Variants in RIN3 observed in about 807,000 individuals in gnomAD.
RIN3 encodes the protein Ras and Rab interactor 3.
RIN3 carries 54 observed loss-of-function variants against 76.3 expected under a neutral mutation model. That is an observed-to-expected ratio of 0.71 (90% confidence interval 0.57 to 0.89). The LOEUF is 0.89. RIN3 is among the 40% of genes least tolerant of loss of function. The pLI is 0.00. For synonymous variants in RIN3, 576 were observed against 564.0 expected, an observed-to-expected ratio of 1.02 and a Z score of -0.30; for missense variants, 1,256 against 1,322.1, an observed-to-expected ratio of 0.95 and a Z score of 0.78.
At chr14:92,520,610 A>G (rs1896571733) in intron 1 of RIN3, among the ~76,000 whole-genome samples, 1 of 152,230 alleles carries the variant, frequency 6.6e-6, no homozygotes, top group African/African-American at 2.4e-5. Flanking sequence ...AGCTGGAGAG[A>G]GGGGTGGACA....
intron 3 of RIN3, among the ~76,000 whole-genome samples, chr14:92,591,847 A>C (rs1170751150): frequency 6.6e-6 from 1 of 152,250 alleles, no homozygotes; most frequent in Admixed American, 6.5e-5. Flanking sequence ...TTTAGAGAGA[A>C]AGAAAATGAT....
intron 1 of RIN3, among the ~76,000 whole-genome samples, chr14:92,539,943 C>G (rs12434859): frequency 0.24 from 35,890 of 152,062 alleles, 4,607 homozygotes; most frequent in African/African-American, 0.33. Flanking sequence ...GAAGGGCCTG[C>G]GGCTGAAGCT....
At chr14:92,588,099 G>A (rs527728853) in intron 3 of RIN3, among the ~76,000 whole-genome samples, 1 of 152,118 alleles carries the variant, frequency 6.6e-6, no homozygotes, top group East Asian at 1.9e-4. Context: ...ATCCACGAGG[G>A]AGGAGCTCTC....
chr14:92,645,984 G>T (rs1460215619), intron 5 of RIN3, among the ~76,000 whole-genome samples: 3 of 151,932 alleles, frequency 2.0e-5, no homozygotes, highest in Non-Finnish European at 2.9e-5. Context: ...ATTGATTGCG[G>T]TGAGAGTTGC....
chr14:92,645,678 G>A (rs906524216), intron 5 of RIN3, among the ~76,000 whole-genome samples: 13 of 152,220 alleles, frequency 8.5e-5, no homozygotes, highest in East Asian at 3.8e-4. Context: ...CCTAAAGGCC[G>A]GGCGCAGTGG....
Position 92,536,742 on chromosome 14 carries a change from G to GA in RIN3, c.45-18989dup, listed in dbSNP as rs66654234. Among the ~76,000 whole-genome samples the GA allele has an allele frequency of 5.5e-3, 711 of 128,198 alleles. 5 individuals are homozygous for GA. Among genetic ancestry groups the GA allele is most frequent in the Middle Eastern group, 0.026 (7 of 266 alleles). The allele number at this position is 128,198 out of a possible 152,430, so 84.1% of individuals were successfully genotyped here. On this transcript the variant is annotated intron_variant, in intron 1 of 9. Transcript: ENST00000216487. ...GGTGACAGAGCAAGACTCCGTCTCAGAAAAAAAAAAAAAAAAAAAAGAAAC... is the reference window on the plus strand; with the variant it reads ...GGTGACAGAGCAAGACTCCGTCTCAGAAAAAAAAAAAAAAAAAAAAAGAAAC...
chr14:92,615,638 A>G (rs541886899), intron 4 of RIN3, 159 bp downstream of exon 4: 197 of 654,904 alleles, frequency 3.0e-4, no homozygotes, highest in Non-Finnish European at 3.9e-4. Flanking sequence ...ACCACAGAGG[A>G]TGTGTTGGCT....
At chr14:92,598,839 T>A (rs1356109877) in intron 3 of RIN3, among the ~76,000 whole-genome samples, 6 of 152,096 alleles carry the variant, frequency 3.9e-5, no homozygotes, top group African/African-American at 1.4e-4. Context: ...TAAAATGATG[T>A]TAGGATTTTA....
chr14:92,652,963 G>C lies in RIN3; in HGVS notation c.1914G>C (p.Thr638=). 6.2e-7 allele frequency: 1 copy of C among 1,613,718 alleles called. No homozygotes were observed. Among genetic ancestry groups the C allele is most frequent in the Non-Finnish European group, 8.5e-7 (1 of 1,180,040 alleles). The change falls in exon 6 of 10, where the codon ACG becomes ACC. Residue 638 remains threonine (T), a synonymous_variant. Coordinates refer to ENST00000216487, the MANE Select transcript of RIN3 (RefSeq NM_024832.5). This position sits in a 1 kb window ranked among gnomAD's most constrained non-coding sequence, Gnocchi z 6.4. ...TGATGGCGCGCCAGACCTCCAGCAC[G>C]GAGATGCTGCAGGAGATTCGCACCA... The part of the protein sequence containing the change: ...LEMMARQTSS[T]EMLQEIRTMM...
intron 2 of RIN3, among the ~76,000 whole-genome samples, chr14:92,563,805 A>G (rs896421022): frequency 6.6e-6 from 1 of 152,160 alleles, no homozygotes; most frequent in East Asian, 1.9e-4. Context: ...GTTTCCCCAT[A>G]TGTAAAATAA....
At position 92,688,237 on chromosome 14, in the gene RIN3, G is replaced by T; in HGVS notation, c.2943G>T (p.Glu981Asp). 1 of 1,591,186 alleles carries T rather than the reference G, an allele frequency of 6.3e-7. No homozygotes were observed. The highest frequency in any genetic ancestry group is 1.1e-5 in the South Asian group (1 of 89,812). ...GCCCGCCCTGCCTGGTGGTGCGGGA[G>T]CCCAACTTCCTGTGAGGCCCTCCCG... ...GGSPPCLVVR[E>D]PNFL is the part of the protein sequence containing the mutation. The change falls in exon 10 of 10, where the codon GAG becomes GAT. Residue 981 changes from glutamate to aspartate, a missense_variant. Transcript: ENST00000216487.
intron 2 of RIN3, among the ~76,000 whole-genome samples, chr14:92,560,081 A>T (rs553815753): frequency 6.6e-6 from 1 of 152,316 alleles, no homozygotes; most frequent in African/African-American, 2.4e-5. Context: ...GTTCATTTTC[A>T]AGGTGAGCAC....
chr14:92,645,913 T>A (rs1887181671), intron 5 of RIN3, among the ~76,000 whole-genome samples: 1 of 150,686 alleles, frequency 6.6e-6, no homozygotes, highest in Non-Finnish European at 1.5e-5. Flanking sequence ...GATCGTGCCA[T>A]TGCACTCCAG....
chr14:92,665,816 T>C (rs575084788), intron 7 of RIN3, among the ~76,000 whole-genome samples: 3 of 152,136 alleles, frequency 2.0e-5, no homozygotes, highest in African/African-American at 7.2e-5. Flanking sequence ...TATGCAGTCT[T>C]AGCCAGATCC....
rs1886259042 is a variant in RIN3, at chr14:92,623,708, A to G, written c.440+8229A>G. 6.6e-6 allele frequency among the ~76,000 whole-genome samples: 1 copy of G among 152,224 alleles called. No homozygotes were observed. Among genetic ancestry groups the G allele is most frequent in the Non-Finnish European group, 1.5e-5 (1 of 68,038 alleles). ...CCAGTTACTTGGCAGAGTGTCTAGC[A>G]GGTGACCACCACAATACCACCATAC... On this transcript the variant is annotated intron_variant, in intron 4 of 9. Transcript: ENST00000216487. The surrounding 1 kb of genome is among the most constrained non-coding windows in gnomAD (Gnocchi z 4.9).
At chr14:92,631,864 A>G (rs767916900) in intron 4 of RIN3, among the ~76,000 whole-genome samples, 4 of 152,118 alleles carry the variant, frequency 2.6e-5, no homozygotes, top group African/African-American at 4.8e-5. Flanking sequence ...TCAGCCTCCC[A>G]AAGTAGGAAT....
chr14:92,574,457 C>A (rs894354631), intron 2 of RIN3, among the ~76,000 whole-genome samples: 3 of 152,230 alleles, frequency 2.0e-5, no homozygotes, highest in Non-Finnish European at 2.9e-5. Flanking sequence ...TACCTGGCTT[C>A]CAGGTAGCCC....
At chr14:92,561,044 A>AAAATATATATATATATATAT (rs1555383856) in intron 2 of RIN3, among the ~76,000 whole-genome samples, 2 of 24,396 alleles carry the variant, frequency 8.2e-5, no homozygotes, top group African/African-American at 1.3e-4. Context: ...AAAAAAAAAA[A>AAAATATATATATATATATAT]ATATATATAT....
chr14:92,654,338 A>G (rs34141236), intron 6 of RIN3, among the ~76,000 whole-genome samples: 22,145 of 80,950 alleles, frequency 0.27, 1,993 homozygotes, highest in South Asian at 0.36. Context: ...AAAAGAAAAG[A>G]AAAAAAATAC....
Sources: allele counts gnomAD v4.1 joint callset (sites outside exome capture counted in the v4.1 genomes callset), GRCh38; gene constraint gnomAD v4.1.1; non-coding constraint Gnocchi (gnomAD v3.1); transcripts MANE v1.5; gene names NCBI Gene and HGNC (gene_info 2026-07-23, HGNC 2026-07-21).